The following MITF variants were observed in gnomAD, a reference collection of about 807,000 sequenced individuals.
MITF encodes the protein microphthalmia-associated transcription factor.
MITF carries 17 observed loss-of-function variants against 60.5 expected under a neutral mutation model. The ratio of observed to expected loss-of-function variants is 0.28; its 90% confidence interval spans 0.19 to 0.42. The LOEUF (loss-of-function observed/expected upper bound fraction) is 0.42, where lower values mean the gene tolerates loss of function less well. Among genes scored for constraint, MITF ranks in the 10% least tolerant of loss-of-function variants. MITF has a pLI of 1.00. For missense variants in MITF, 622 were observed against 683.5 expected (o/e 0.91, Z 1.00); for synonymous variants, 260 against 248.5 (o/e 1.05, Z -0.43).
chr3:69,836,233 G>A (rs895256722), intron 1 of MITF, among the ~76,000 whole-genome samples: 3 of 152,074 alleles, frequency 2.0e-5, no homozygotes, highest in Non-Finnish European at 2.9e-5. Context: ...TTTGGTAGCT[G>A]TTGTAAATGG....
chr3:69,815,190 T>G (rs1422314498), intron 1 of MITF, among the ~76,000 whole-genome samples: 1 of 152,194 alleles, frequency 6.6e-6, no homozygotes, highest in African/African-American at 2.4e-5. Context: ...AGAGGTTATC[T>G]CCTAGGAGTT....
chr3:69,768,409 T>C (rs1361166955), intron 1 of MITF, among the ~76,000 whole-genome samples: 2 of 152,220 alleles, frequency 1.3e-5, no homozygotes, highest in Admixed American at 1.3e-4. Context: ...GCATCTAGAA[T>C]AAGGCATATG....
At chr3:69,813,280 G>T (rs959550595) in intron 1 of MITF, among the ~76,000 whole-genome samples, 2 of 152,200 alleles carry the variant, frequency 1.3e-5, no homozygotes, top group Non-Finnish European at 2.9e-5. Flanking sequence ...CTGTCAGTAG[G>T]TTGAATGTGC....
At chr3:69,758,579 A>C (rs2106793898) in intron 1 of MITF, 1 of 190,680 alleles carries the variant, frequency 5.2e-6, no homozygotes, top group South Asian at 1.9e-4. Context: ...AAAGCTTCTT[A>C]TGTATCAATA....
intron 1 of MITF, among the ~76,000 whole-genome samples, chr3:69,775,289 G>A (rs911178715): frequency 2.6e-5 from 4 of 152,190 alleles, no homozygotes; most frequent in African/African-American, 7.2e-5. Flanking sequence ...GATAGGCAGT[G>A]TATGACTCCA....
chr3:69,769,471 C>CT (rs5849918), intron 1 of MITF: 150,066 of 150,808 alleles, frequency 1, 74,662 homozygotes, highest in East Asian at 1. Flanking sequence ...TATGTGATTT[C>CT]TTTTTTTTTC....
At chr3:69,839,716 A>G (rs1263018947) in intron 1 of MITF, among the ~76,000 whole-genome samples, 1 of 152,080 alleles carries the variant, frequency 6.6e-6, no homozygotes, top group African/African-American at 2.4e-5. Flanking sequence ...CTTTCCATTC[A>G]TTAATGTTCA....
chr3:69,906,092 T>C (rs944141682), intron 2 of MITF, among the ~76,000 whole-genome samples: 11 of 152,198 alleles, frequency 7.2e-5, no homozygotes, highest in Non-Finnish European at 1.0e-4. Flanking sequence ...TTTTAGAATG[T>C]TATAGTTTTA....
rs1434180717 is a variant in MITF at position 69,964,878 on chromosome 3, T to G, written c.1211T>G (p.Leu404Arg). The G allele has an allele frequency of 6.2e-7, 1 of 1,614,068 alleles. No homozygotes were observed. Among genetic ancestry groups the G allele is most frequent in the Non-Finnish European group, 8.5e-7 (1 of 1,180,032 alleles). The change falls in exon 10 of 10, where the codon CTT (leucine) becomes CGT (arginine). Residue 404 changes from leucine (L) to arginine (R), a missense_variant. Leu to Arg is a moderately radical substitution (Grantham distance 102). Coordinates refer to ENST00000352241, the MANE Select transcript of MITF (RefSeq NM_001354604.2). The stretch of plus-strand genomic sequence containing the variant: ...GAAATGCAGGCTCGAGCTCATGGAC[T>G]TTCCCTTATTCCATCCACGGGTCTC... ...ELEMQARAHG[L>R]SLIPSTGLCS...
At chr3:69,763,836 A>G in intron 1 of MITF, 1 of 1,368,252 alleles carries the variant, frequency 7.3e-7, no homozygotes, top group South Asian at 1.2e-5. Flanking sequence ...CCATCTCTGA[A>G]GTCAAATGGG....
At chr3:69,941,180 T>C in intron 4 of MITF, 56 bp from the exon 5 acceptor site, 4 of 1,152,708 alleles carry the variant, frequency 3.5e-6, no homozygotes, top group Non-Finnish European at 1.3e-6. Context: ...TCTTTTTAGG[T>C]TGTGTTGCAT....
chr3:69,763,659 C>G, intron 1 of MITF: 1 of 1,258,178 alleles, frequency 7.9e-7, no homozygotes, highest in African/African-American at 1.5e-5. Flanking sequence ...GTTCAGTGGA[C>G]TCAATGTTCC....
chr3:69,797,813 G>A (rs994503113), intron 1 of MITF, among the ~76,000 whole-genome samples: 1 of 152,176 alleles, frequency 6.6e-6, no homozygotes, highest in Non-Finnish European at 1.5e-5. Context: ...TGCAGTCAGT[G>A]CCATGGTAAC....
chr3:69,867,409 T>C (rs1199258737), intron 1 of MITF, among the ~76,000 whole-genome samples: 1 of 152,194 alleles, frequency 6.6e-6, no homozygotes, highest in Non-Finnish European at 1.5e-5. Flanking sequence ...TAAAAGGTCT[T>C]ATAAAAGGTA....
chr3:69,741,581 G>A (rs540879148), intron 1 of MITF, among the ~76,000 whole-genome samples: 8 of 152,206 alleles, frequency 5.3e-5, no homozygotes, highest in South Asian at 2.1e-4. Flanking sequence ...GCAGGCACGT[G>A]TAAGGGAAAA....
chr3:69,920,118 CT>C (rs748627999), intron 2 of MITF, among the ~76,000 whole-genome samples: 13 of 152,158 alleles, frequency 8.5e-5, no homozygotes, highest in Non-Finnish European at 1.8e-4. Context: ...GCTGAGGGGA[CT>C]TAGTGAGGTG....
chr3:69,890,249 C>G (rs1575893713), intron 2 of MITF, among the ~76,000 whole-genome samples: 1 of 152,114 alleles, frequency 6.6e-6, no homozygotes, highest in East Asian at 1.9e-4. Flanking sequence ...ACGAGTCACC[C>G]TTGGTAACAT....
At chr3:69,774,631 G>T (rs1240652732) in intron 1 of MITF, among the ~76,000 whole-genome samples, 1 of 152,136 alleles carries the variant, frequency 6.6e-6, no homozygotes, top group Non-Finnish European at 1.5e-5. Context: ...AAGTTTCCAG[G>T]TCAAAGATTC....
Position 69,967,166 on chromosome 3 carries a change from C to T in MITF, c.*1918C>T, listed in dbSNP as rs2066709271. On this transcript the variant is annotated 3_prime_UTR_variant, in exon 10 of 10. Transcript: ENST00000352241. ...CGGTTTAGGTGAAAATAATCAACTG[C>T]ATAGTTCCCATGCACGCTGGGCAAT... 4.3e-6 allele frequency: 1 copy of T among 232,442 alleles called. No homozygotes were observed. The highest frequency in any genetic ancestry group is 8.5e-6 in the Non-Finnish European group (1 of 117,324). 14.4% of individuals were successfully genotyped at this position (232,442 alleles called of 1,614,324 possible).
Sources: gnomAD v4.1 joint callset for allele counts (sites outside exome capture counted in the v4.1 genomes callset) on GRCh38, gnomAD v4.1.1 for gene constraint, MANE v1.5 for transcripts, NCBI Gene and HGNC (gene_info 2026-07-23, HGNC 2026-07-21) for gene names.